Variants in KIF13A observed in about 807,000 individuals in gnomAD.
KIF13A encodes the protein kinesin family member 13A.
Under a neutral mutation model 212.2 loss-of-function variants are expected in KIF13A, and 79 were observed. That is an observed-to-expected ratio of 0.37 (90% CI 0.31 to 0.45). The LOEUF is 0.45. Among genes scored for constraint, KIF13A ranks in the 20% least tolerant of loss-of-function variants. KIF13A has a pLI of 1.00. For synonymous variants in KIF13A, 789 were observed against 808.6 expected, an observed-to-expected ratio of 0.98 and a Z score of 0.41; for missense variants, 1,901 against 2,209.0, an observed-to-expected ratio of 0.86 and a Z score of 2.79.
At chr6:17,779,504 T>G in intron 32 of KIF13A, 88 bp downstream of exon 32, 1 of 572,980 alleles carries the variant, frequency 1.7e-6, no homozygotes, top group South Asian at 1.7e-5. Context: ...ACTCCCGACC[T>G]CAGGTGATCC....
In KIF13A at chr6:17,768,271, C is replaced by A. The variant is rs780250504; in HGVS notation, c.4581+2843G>T. Among the ~76,000 whole-genome samples the A allele has an allele frequency of 1.3e-5, 2 of 152,192 alleles. No individual in the cohort carries two copies. Among genetic ancestry groups the A allele is most frequent in the Admixed American group, 6.5e-5 (1 of 15,280 alleles). ...ATAATTAAAACCCTATCTGAAGTGG[C>A]ACATGGAGTCAAGTTCTCAAGCTTC... On this transcript the variant is annotated intron_variant, in intron 38 of 38. Transcript: ENST00000259711. This position sits in a 1 kb window ranked among gnomAD's most constrained non-coding sequence, Gnocchi z 5.4.
At chr6:17,905,827 C>T (rs1318499482) in intron 2 of KIF13A, among the ~76,000 whole-genome samples, 1 of 152,190 alleles carries the variant, frequency 6.6e-6, no homozygotes, top group Non-Finnish European at 1.5e-5. Flanking sequence ...AGTTAGACTA[C>T]AGTTAGCAGA....
chr6:17,815,550 A>C (rs1401066275), intron 17 of KIF13A: 23 of 393,772 alleles, frequency 5.8e-5, no homozygotes, highest in Admixed American at 5.3e-4. Context: ...TTTGGGAGTA[A>C]CAGAGGGCTT....
In KIF13A at chr6:17,771,501, AG is replaced by A. The variant is rs1400160564; in HGVS notation, c.4477-284del. 3 of 421,296 alleles carry A rather than the reference AG, an allele frequency of 7.1e-6. No individual in the cohort carries two copies. The highest frequency in any genetic ancestry group is 1.3e-5 in the Non-Finnish European group (3 of 236,444). The allele number at this position is 421,296 out of a possible 1,614,324, so 26.1% of individuals were successfully genotyped here. ...CAGTGCCTTGGGAGGCTGGGGCAAAAGAATCACTTGAGGCCAGGAGTTTCAG... is the reference window on the plus strand; with the variant it reads ...CAGTGCCTTGGGAGGCTGGGGCAAAAAATCACTTGAGGCCAGGAGTTTCAG... On this transcript the variant is annotated intron_variant, in intron 37 of 38. Transcript: ENST00000259711. This position sits in a 1 kb window ranked among gnomAD's most constrained non-coding sequence, Gnocchi z 5.4.
At position 17,895,225 on chromosome 6, in the gene KIF13A, C is replaced by T. The variant is rs6903673; in HGVS notation, c.159+2943G>A. 0.81 allele frequency among the ~76,000 whole-genome samples: 122,894 copies of T among 152,148 alleles called. 50,085 individuals are homozygous for T. The highest frequency in any genetic ancestry group is 0.9 in the African/African-American group (37,480 of 41,542). On this transcript the variant is annotated intron_variant, in intron 3 of 38. Transcript: ENST00000259711. The surrounding 1 kb of genome is among the most constrained non-coding windows in gnomAD (Gnocchi z 4.4). ...AACAAATATATTCATTTTGAAGTTCCTGTCTAATAATTTGGTCATCTGAAG... is the reference window on the plus strand; with the variant it reads ...AACAAATATATTCATTTTGAAGTTCTTGTCTAATAATTTGGTCATCTGAAG...
intron 2 of KIF13A, among the ~76,000 whole-genome samples, chr6:17,960,351 A>G (rs1778708886): frequency 6.6e-6 from 1 of 152,232 alleles, no homozygotes. Flanking sequence ...CTGGGCACCA[A>G]TGTTTGTTGA....
At chr6:17,962,557 G>C (rs1167692790) in intron 2 of KIF13A, among the ~76,000 whole-genome samples, 3 of 152,064 alleles carry the variant, frequency 2.0e-5, no homozygotes, top group Non-Finnish European at 4.4e-5. Flanking sequence ...ACTTGAAAGA[G>C]GGTGGGGCAG....
In KIF13A at chr6:17,825,721, AG is replaced by A. The variant is rs1335962672; in HGVS notation, c.1786+46del. Reference sequence around the variant, plus strand: ...TGCTTATCCCTCACTGAATGGTGTGAGGTGAGGAAATGCCCAAGGCGCTGGA... The same window carrying A: ...TGCTTATCCCTCACTGAATGGTGTGAGTGAGGAAATGCCCAAGGCGCTGGA... On this transcript the variant is annotated intron_variant, in intron 16 of 38. Transcript: ENST00000259711. The surrounding 1 kb of genome is among the most constrained non-coding windows in gnomAD (Gnocchi z 4.5). 6.5e-7 allele frequency: 1 copy of A among 1,549,656 alleles called. No homozygotes were observed. The highest frequency in any genetic ancestry group is 8.8e-7 in the Non-Finnish European group (1 of 1,132,988).
At chr6:17,980,370 G>A (rs1012651291) in intron 2 of KIF13A, among the ~76,000 whole-genome samples, 4 of 152,108 alleles carry the variant, frequency 2.6e-5, no homozygotes, top group Admixed American at 2.0e-4. Context: ...CTACAAAATG[G>A]AGGCAGGAAA....
Position 17,898,065 on chromosome 6 carries a change from T to G in KIF13A, c.159+103A>C. 1 of 1,052,910 alleles carries G rather than the reference T, an allele frequency of 9.5e-7. No homozygotes were observed. The highest frequency in any genetic ancestry group is 1.4e-6 in the Non-Finnish European group (1 of 711,082). The allele number at this position is 1,052,910 out of a possible 1,614,324, so 65.2% of individuals were successfully genotyped here. A position where few individuals can be genotyped will look rare whatever the true frequency, so the allele number is the denominator to read the frequency against. ...TGAGTTTTAAATTAGGATGCTGTTT[T>G]CAGTTCTCAATGAGACAGATGTTCT... On this transcript the variant is annotated intron_variant, in intron 3 of 38. Coordinates refer to ENST00000259711, the MANE Select transcript of KIF13A (RefSeq NM_022113.6). The surrounding 1 kb of genome is among the most constrained non-coding windows in gnomAD (Gnocchi z 5.2).
intron 4 of KIF13A, among the ~76,000 whole-genome samples, chr6:17,864,966 C>A (rs1227209281): frequency 1.3e-5 from 2 of 152,168 alleles, no homozygotes; most frequent in African/African-American, 4.8e-5. Context: ...AGGAAAAATG[C>A]AGCTATCATT....
At chr6:17,862,935 G>A (rs1022653763) in intron 4 of KIF13A, among the ~76,000 whole-genome samples, 7 of 152,026 alleles carry the variant, frequency 4.6e-5, no homozygotes, top group African/African-American at 1.4e-4. Context: ...GCGACAGAGC[G>A]AGACTGCGTC....
chr6:17,794,131 G>C lies in KIF13A; in HGVS notation c.3222+118C>G, dbSNP rs1761836242. The C allele has an allele frequency of 1.4e-6, 1 of 710,210 alleles. No homozygotes were observed. The highest frequency in any genetic ancestry group is 2.3e-6 in the Non-Finnish European group (1 of 433,314). 44.0% of individuals were successfully genotyped at this position (710,210 alleles called of 1,614,324 possible). A position where few individuals can be genotyped will look rare whatever the true frequency, so the allele number is the denominator to read the frequency against. ...GAAAAAAGGCAATGGATGGAAATGT[G>C]AACTGGGGGAAGATCTACGGTTAAG... On this transcript the variant is annotated intron_variant, in intron 25 of 38. Transcript: ENST00000259711. This position sits in a 1 kb window ranked among gnomAD's most constrained non-coding sequence, Gnocchi z 4.1.
chr6:17,857,968 A>AC lies in KIF13A; in HGVS notation c.221-1847dup, dbSNP rs1408867409. ...TACATAACATTTTTAAAAACAATAAACCCCCAACACCCACATCTATGTGTA... is the reference window on the plus strand; with the variant it reads ...TACATAACATTTTTAAAAACAATAAACCCCCCAACACCCACATCTATGTGTA... On this transcript the variant is annotated intron_variant, in intron 4 of 38. Coordinates refer to ENST00000259711, the MANE Select transcript of KIF13A (RefSeq NM_022113.6). Among the ~76,000 whole-genome samples the AC allele has an allele frequency of 3.9e-5, 6 of 152,096 alleles. No individual in the cohort carries two copies. In the East Asian group the frequency reaches 1.2e-3, roughly 29 times the overall value.
rs1765717358 is a variant in KIF13A, at chr6:17,834,170, T to G, written c.1156-99A>C. ...CCCTCTTAAGCAGTTATCAATAGTC[T>G]GTTGGAAAAAATTAAGTTATATGCT... On this transcript the variant is annotated intron_variant, in intron 11 of 38. Transcript: ENST00000259711. The surrounding 1 kb of genome is among the most constrained non-coding windows in gnomAD (Gnocchi z 4.0). 1.4e-6 allele frequency: 1 copy of G among 719,072 alleles called. No individual in the cohort carries two copies. Among genetic ancestry groups the G allele is most frequent in the Non-Finnish European group, 2.2e-6 (1 of 451,952 alleles). 44.5% of individuals were successfully genotyped at this position (719,072 alleles called of 1,614,324 possible).
Position 17,968,421 on chromosome 6 carries a change from T to C in KIF13A, c.146+18633A>G, listed in dbSNP as rs1581893736. ...AGCTTCTCATGCTGACTCACAAGAA[T>C]GCCCAACTACATCAGGTTGGTGTAG... On this transcript the variant is annotated intron_variant, in intron 2 of 38. Transcript: ENST00000259711. This position sits in a 1 kb window ranked among gnomAD's most constrained non-coding sequence, Gnocchi z 4.7. Among the ~76,000 whole-genome samples the C allele has an allele frequency of 6.6e-6, 1 of 152,202 alleles. No homozygotes were observed. Among genetic ancestry groups the C allele is most frequent in the Non-Finnish European group, 1.5e-5 (1 of 68,032 alleles).
intron 2 of KIF13A, among the ~76,000 whole-genome samples, chr6:17,960,906 G>A (rs923903995): frequency 6.6e-6 from 1 of 152,116 alleles, no homozygotes; most frequent in East Asian, 1.9e-4. Context: ...TTGTTTTTGA[G>A]CACGAATTGA....
intron 16 of KIF13A, among the ~76,000 whole-genome samples, chr6:17,823,890 A>T (rs937937759): frequency 1.3e-5 from 2 of 150,630 alleles, no homozygotes; most frequent in African/African-American, 2.4e-5. Context: ...GATGTGAGCC[A>T]CCATGCCTGG....
rs905690059 is a variant in KIF13A at position 17,787,101 on chromosome 6, G to A, written c.3361+675C>T. On this transcript the variant is annotated intron_variant, in intron 27 of 38. Transcript: ENST00000259711. This position sits in a 1 kb window ranked among gnomAD's most constrained non-coding sequence, Gnocchi z 4.6. ...CCCAACAGTGGATAGGTGCTGACCT[G>A]CTAAGCGGTTTGGTTTCAGAAGTGA... 4.7e-4 allele frequency among the ~76,000 whole-genome samples: 72 copies of A among 152,236 alleles called. No homozygotes were observed. The highest frequency in any genetic ancestry group is 1.7e-3 in the African/African-American group (71 of 41,466).
Sources: gnomAD v4.1 joint callset for allele counts (sites outside exome capture counted in the v4.1 genomes callset) on GRCh38, gnomAD v4.1.1 for gene constraint, Gnocchi (gnomAD v3.1) non-coding constraint, MANE v1.5 for transcripts, NCBI Gene and HGNC (gene_info 2026-07-23, HGNC 2026-07-21) for gene names.